The following PCDHGA11 variants were observed in gnomAD, a reference collection of about 807,000 sequenced individuals.
PCDHGA11 encodes protocadherin gamma-A11.
PCDHGA11 carries 39 observed loss-of-function variants against 60.4 expected under a neutral mutation model. The observed-to-expected ratio is 0.65, with a 90% CI of 0.50 to 0.84. PCDHGA11 has a LOEUF of 0.84. Ranked by LOEUF, PCDHGA11 falls within the 40% of genes least tolerant of loss-of-function variation. The pLI, the probability that PCDHGA11 is intolerant of heterozygous loss-of-function variation, is 0.00. For missense variants in PCDHGA11, 1,165 were observed against 1,197.7 expected (o/e 0.97, Z 0.40); for synonymous variants, 533 against 510.3 (o/e 1.04, Z -0.60).
At chr5:141,498,796 G>A (rs1160540093) in intron 2 of PCDHGA11, among the ~76,000 whole-genome samples, 1 of 152,032 alleles carries the variant, frequency 6.6e-6, no homozygotes, top group Non-Finnish European at 1.5e-5. Context: ...AGCCAGGTGT[G>A]GTGGTGCACA....
rs1003050993 is a variant in PCDHGA11, at chr5:141,477,637, T to A, written c.2434-17170T>A. ...AAGGAGCTGAAACCGGGCTAGTGGG[T>A]CGCTATTTCACAATAAATCGTGACA... On this transcript the variant is annotated intron_variant, in intron 1 of 3. Transcript: ENST00000398587. This position sits in a 1 kb window ranked among gnomAD's most constrained non-coding sequence, Gnocchi z 4.9. 6.2e-7 allele frequency: 1 copy of A among 1,614,154 alleles called. No individual in the cohort carries two copies. Among genetic ancestry groups the A allele is most frequent in the African/African-American group, 1.3e-5 (1 of 75,040 alleles).
chr5:141,453,869 G>A (rs887544235), intron 1 of PCDHGA11, among the ~76,000 whole-genome samples: 9 of 152,144 alleles, frequency 5.9e-5, no homozygotes, highest in Non-Finnish European at 1.2e-4. Context: ...TAACAGATGA[G>A]CAAAATAATG....
At chr5:141,506,930 T>C (rs2099857287) in intron 3 of PCDHGA11, among the ~76,000 whole-genome samples, 1 of 152,150 alleles carries the variant, frequency 6.6e-6, no homozygotes, top group African/African-American at 2.4e-5. Context: ...AAACAAACTT[T>C]AGGGGCCTCC....
intron 1 of PCDHGA11, chr5:141,429,265 T>C (rs1297239650): frequency 6.6e-6 from 1 of 152,148 alleles, no homozygotes; most frequent in Non-Finnish European, 1.5e-5. Flanking sequence ...GAGGAATAAA[T>C]TTTTTTCCTG....
chr5:141,495,108 C>G (rs1304714928), intron 2 of PCDHGA11, among the ~76,000 whole-genome samples: 1 of 152,176 alleles, frequency 6.6e-6, no homozygotes, highest in Admixed American at 6.5e-5. Context: ...ACGACCGGCA[C>G]CTTTTCCTAT....
rs999463482 is a variant in PCDHGA11, at chr5:141,506,400, T to C, written c.2581+919T>C. ...GGAGGTGGCTGTGGTGAGCAGAAAATCGCACCACTGCACTCCAGCCTGGGC... is the reference window on the plus strand; with the variant it reads ...GGAGGTGGCTGTGGTGAGCAGAAAACCGCACCACTGCACTCCAGCCTGGGC... On this transcript the variant is annotated intron_variant, in intron 3 of 3. Coordinates refer to ENST00000398587, the MANE Select transcript of PCDHGA11 (RefSeq NM_018914.3). 1.2e-4 allele frequency among the ~76,000 whole-genome samples: 16 copies of C among 135,754 alleles called. No homozygotes were observed. In the Admixed American group the frequency reaches 1.3e-3, roughly 11 times the overall value. The allele number at this position is 135,754 out of a possible 152,430, so 89.1% of individuals were successfully genotyped here.
intron 1 of PCDHGA11, among the ~76,000 whole-genome samples, chr5:141,450,899 A>G (rs1045595271): frequency 1.0e-4 from 15 of 149,514 alleles, no homozygotes; most frequent in African/African-American, 3.7e-4. Context: ...ATATCGGCTC[A>G]CTGCAACCGC....
At chr5:141,423,783 A>G in intron 1 of PCDHGA11, 123 bp downstream of exon 1, 1 of 1,264,712 alleles carries the variant, frequency 7.9e-7, no homozygotes, top group South Asian at 1.9e-5. Context: ...TATTTAGTTC[A>G]TATATATTTA....
intron 1 of PCDHGA11, among the ~76,000 whole-genome samples, chr5:141,450,564 G>A (rs1397334260): frequency 2.0e-5 from 3 of 151,932 alleles, no homozygotes; most frequent in African/African-American, 7.3e-5. Context: ...TCGGCTCACT[G>A]CAACTTCTGC....
chr5:141,448,912 T>C (rs1195715286), intron 1 of PCDHGA11, among the ~76,000 whole-genome samples: 1 of 152,152 alleles, frequency 6.6e-6, no homozygotes, highest in Non-Finnish European at 1.5e-5. Flanking sequence ...GCCACTGCAC[T>C]CCAGCCTGGG....
chr5:141,432,286 C>T lies in PCDHGA11; in HGVS notation c.2433+8626C>T. ...TATCGTCCTACGTGTCCATCAACTCCGACACTGGGGTACTGTATGCGCTGA... is the reference window on the plus strand; with the variant it reads ...TATCGTCCTACGTGTCCATCAACTCTGACACTGGGGTACTGTATGCGCTGA... On this transcript the variant is annotated intron_variant, in intron 1 of 3. Transcript: ENST00000398587. This position sits in a 1 kb window ranked among gnomAD's most constrained non-coding sequence, Gnocchi z 6.0. 3 of 1,614,252 alleles carry T rather than the reference C, an allele frequency of 1.9e-6. No homozygotes were observed. Among genetic ancestry groups the T allele is most frequent in the Non-Finnish European group, 2.5e-6 (3 of 1,180,048 alleles).
In PCDHGA11 at chr5:141,432,512, G is replaced by A. The variant is rs751785850; in HGVS notation, c.2433+8852G>A. ...GCTGGCTCCCCGCTCCGCAGAGCCC[G>A]GCTACCTGGTGACCAAGGTGGTGGC... On this transcript the variant is annotated intron_variant, in intron 1 of 3. Transcript: ENST00000398587. The surrounding 1 kb of genome is among the most constrained non-coding windows in gnomAD (Gnocchi z 6.0). 3 of 1,614,108 alleles carry A rather than the reference G, an allele frequency of 1.9e-6. No homozygotes were observed. Among genetic ancestry groups the A allele is most frequent in the Non-Finnish European group, 2.5e-6 (3 of 1,180,030 alleles).
At chr5:141,441,005 C>T (rs772059231) in intron 1 of PCDHGA11, 1 of 152,116 alleles carries the variant, frequency 6.6e-6, no homozygotes, top group Non-Finnish European at 1.5e-5. Context: ...CTAGTTTGGC[C>T]TTGATCAAAT....
chr5:141,487,477 C>A lies in PCDHGA11; in HGVS notation c.2434-7330C>A, dbSNP rs748435479. On this transcript the variant is annotated intron_variant, in intron 1 of 3. Transcript: ENST00000398587. The surrounding 1 kb of genome is among the most constrained non-coding windows in gnomAD (Gnocchi z 5.0). ...TCAAGTTTGTTGATGTGGGAGGCCA[C>A]TCTCATGGCTGTACACCCTTGGCTT... 1 of 1,614,200 alleles carries A rather than the reference C, an allele frequency of 6.2e-7. No individual in the cohort carries two copies. The highest frequency in any genetic ancestry group is 1.7e-5 in the Admixed American group (1 of 60,030).
intron 1 of PCDHGA11, among the ~76,000 whole-genome samples, chr5:141,447,688 G>A (rs188511217): frequency 1.4e-4 from 22 of 152,258 alleles, no homozygotes; most frequent in African/African-American, 4.3e-4. Context: ...TATCTTGATA[G>A]AGGGATGGGT....
intron 1 of PCDHGA11, among the ~76,000 whole-genome samples, chr5:141,481,700 T>C (rs1283509788): frequency 2.0e-5 from 3 of 152,034 alleles, no homozygotes; most frequent in Non-Finnish European, 4.4e-5. Context: ...ACGCCTGTAA[T>C]CCCAGCACTT....
intron 1 of PCDHGA11, among the ~76,000 whole-genome samples, chr5:141,453,996 C>T (rs2098779349): frequency 6.6e-6 from 1 of 152,128 alleles, no homozygotes; most frequent in Admixed American, 6.6e-5. Context: ...GTGATAAACC[C>T]ACATAACATT....
In PCDHGA11 at chr5:141,421,941, T is replaced by C. The variant is rs186605459; in HGVS notation, c.714T>C (p.Asp238=). The change falls in exon 1 of 4, where the codon GAT becomes GAC. Residue 238 remains aspartate (D), a synonymous_variant. Transcript: ENST00000398587. ...GTGTGGTGGTCCTCGATGTAAATGA[T>C]CACATCCCAATGTTTACACAGTCCG... ...PIRVVVLDVN[D]HIPMFTQSVY... 2 of 1,613,456 alleles carry C rather than the reference T, an allele frequency of 1.2e-6. No homozygotes were observed. Among genetic ancestry groups the C allele is most frequent in the East Asian group, 4.5e-5 (2 of 44,882 alleles).
chr5:141,503,825 CA>C (rs2154593417), intron 2 of PCDHGA11, among the ~76,000 whole-genome samples: 1 of 152,186 alleles, frequency 6.6e-6, no homozygotes, highest in Non-Finnish European at 1.5e-5. Flanking sequence ...TGGGCAAAAC[CA>C]AAAGCAGGGA....
Sources: allele counts gnomAD v4.1 joint callset (sites outside exome capture counted in the v4.1 genomes callset), GRCh38; gene constraint gnomAD v4.1.1; non-coding constraint Gnocchi (gnomAD v3.1); transcripts MANE v1.5; gene names NCBI Gene and HGNC (gene_info 2026-07-23, HGNC 2026-07-21).